Variants in CSNK2A2IP observed in about 807,000 individuals in gnomAD.
The protein encoded by CSNK2A2IP is casein kinase II subunit alpha'-interacting protein.
the CSNK2A2IP span, among the ~76,000 whole-genome samples, chr3:88,360,158 T>C: frequency 2.7e-5 from 4 of 150,042 alleles, no homozygotes; most frequent in Non-Finnish European, 5.9e-5. Context: ...TTTTTTGAGA[T>C]GGAGTCTCTC....
At chr3:88,411,582 A>T in the CSNK2A2IP span, among the ~76,000 whole-genome samples, 1 of 151,954 alleles carries the variant, frequency 6.6e-6, no homozygotes. Context: ...CGGATTTTGT[A>T]GAAAAAAGTT....
chr3:88,386,764 T>C, the CSNK2A2IP span, among the ~76,000 whole-genome samples: 1 of 152,168 alleles, frequency 6.6e-6, no homozygotes, highest in African/African-American at 2.4e-5. Context: ...TAATACAGTA[T>C]AGTTATTGGT....
the CSNK2A2IP span, among the ~76,000 whole-genome samples, chr3:88,378,657 G>A: frequency 6.6e-6 from 1 of 151,944 alleles, no homozygotes; most frequent in African/African-American, 2.4e-5. Flanking sequence ...GAATACATTG[G>A]TATTGCTGAA....
the CSNK2A2IP span, among the ~76,000 whole-genome samples, chr3:88,406,528 A>C: frequency 1.3e-5 from 2 of 152,206 alleles, no homozygotes; most frequent in Non-Finnish European, 1.5e-5. Flanking sequence ...AGAAACACTC[A>C]ACATTCAATG....
chr3:88,414,386 G>A, the CSNK2A2IP span, among the ~76,000 whole-genome samples: 6 of 139,028 alleles, frequency 4.3e-5, no homozygotes, highest in South Asian at 2.3e-4. Context: ...GGGTTCAAGC[G>A]ATACTCCTGC....
chr3:88,388,029 T>C, the CSNK2A2IP span, among the ~76,000 whole-genome samples: 1 of 152,208 alleles, frequency 6.6e-6, no homozygotes, highest in Non-Finnish European at 1.5e-5. Context: ...TCCTTTCCCA[T>C]AGTGTTTCCC....
chr3:88,365,035 C>T, the CSNK2A2IP span, among the ~76,000 whole-genome samples: 2 of 152,040 alleles, frequency 1.3e-5, no homozygotes, highest in East Asian at 3.9e-4. Flanking sequence ...GAAATTGAGG[C>T]CTTGCCCAAG....
chr3:88,442,865 A>C, the CSNK2A2IP span, among the ~76,000 whole-genome samples: 20,548 of 151,892 alleles, frequency 0.14, 1,801 homozygotes, highest in East Asian at 0.22. Flanking sequence ...CTTAATATAA[A>C]GAAGACGGGC....
chr3:88,446,046 CTT>C, the CSNK2A2IP span, among the ~76,000 whole-genome samples: 3,890 of 62,204 alleles, frequency 0.063, 271 homozygotes, highest in Middle Eastern at 0.11. Context: ...TTCTTTCTTT[CTT>C]TCTTTCTTTC....
the CSNK2A2IP span, among the ~76,000 whole-genome samples, chr3:88,369,975 G>A: frequency 1.3e-5 from 2 of 151,842 alleles, no homozygotes; most frequent in Non-Finnish European, 2.9e-5. Flanking sequence ...CAGGGGCCTA[G>A]GCTGAAAAAG....
the CSNK2A2IP span, among the ~76,000 whole-genome samples, chr3:88,402,684 C>CAT: frequency 2.6e-4 from 39 of 150,632 alleles, no homozygotes; most frequent in Non-Finnish European, 4.2e-4. Flanking sequence ...TAGACACACA[C>CAT]ATATATATTT....
At chr3:88,443,673 C>T in the CSNK2A2IP span, among the ~76,000 whole-genome samples, 2 of 152,116 alleles carry the variant, frequency 1.3e-5, no homozygotes, top group African/African-American at 2.4e-5. Flanking sequence ...CATGAAGACA[C>T]GCTCAGTGGG....
At chr3:88,349,078 C>A in the CSNK2A2IP span, among the ~76,000 whole-genome samples, 1 of 151,940 alleles carries the variant, frequency 6.6e-6, no homozygotes, top group Non-Finnish European at 1.5e-5. Flanking sequence ...TTTCTCTCCC[C>A]CTTTCCATTC....
the CSNK2A2IP span, among the ~76,000 whole-genome samples, chr3:88,429,235 C>CT: frequency 3.9e-5 from 6 of 152,126 alleles, no homozygotes; most frequent in African/African-American, 1.4e-4. Context: ...CCCTTCACTT[C>CT]TTGTGTCTTC....
At chr3:88,445,483 C>G in the CSNK2A2IP span, among the ~76,000 whole-genome samples, 1 of 151,896 alleles carries the variant, frequency 6.6e-6, no homozygotes, top group Admixed American at 6.6e-5. Context: ...TTCTTTCAAC[C>G]ATTTTGTTAG....
At chr3:88,374,503 G>A in the CSNK2A2IP span, among the ~76,000 whole-genome samples, 2 of 150,876 alleles carry the variant, frequency 1.3e-5, no homozygotes, top group South Asian at 4.2e-4. Flanking sequence ...TACTGATATG[G>A]ACACCTTCTT....
At chr3:88,405,477 G>A in the CSNK2A2IP span, among the ~76,000 whole-genome samples, 5 of 152,076 alleles carry the variant, frequency 3.3e-5, no homozygotes, top group South Asian at 2.1e-4. Flanking sequence ...TTAACTCTGC[G>A]TCTTGATCAA....
the CSNK2A2IP span, among the ~76,000 whole-genome samples, chr3:88,432,132 AT>A: frequency 2.0e-5 from 3 of 151,886 alleles, no homozygotes; most frequent in African/African-American, 7.2e-5. Flanking sequence ...TTACTATGTA[AT>A]TTTTGTAGAA....
At chr3:88,366,724 A>G in the CSNK2A2IP span, among the ~76,000 whole-genome samples, 1 of 152,230 alleles carries the variant, frequency 6.6e-6, no homozygotes, top group Non-Finnish European at 1.5e-5. Context: ...GAGTGAATGC[A>G]AAGGACAAGG....
Sources: allele counts gnomAD v4.1 joint callset (sites outside exome capture counted in the v4.1 genomes callset), GRCh38; gene constraint gnomAD v4.1.1; transcripts MANE v1.5; gene names NCBI Gene and HGNC (gene_info 2026-07-23, HGNC 2026-07-21).